Variants in SMC3 observed in about 807,000 individuals in gnomAD.
SMC3 encodes the protein structural maintenance of chromosomes 3.
In SMC3, 20 loss-of-function variants were observed where a neutral mutation model predicts 171.8. The observed-to-expected ratio is 0.12, with a 90% confidence interval of 0.08 to 0.17. The LOEUF is 0.17. SMC3 is among the 10% of genes least tolerant of loss of function. The probability of loss-of-function intolerance (pLI) is 1.00; values close to 1 mark genes in which losing one functional copy is unlikely to be tolerated. For missense variants in SMC3, 543 were observed against 1,420.4 expected, an observed-to-expected ratio of 0.38 and a Z score of 9.93; for synonymous variants, 464 against 451.1, an observed-to-expected ratio of 1.03 and a Z score of -0.36.
At chr10:110,586,293 C>T (rs765726214) in intron 13 of SMC3, among the ~76,000 whole-genome samples, 4 of 152,186 alleles carry the variant, frequency 2.6e-5, no homozygotes, top group South Asian at 2.1e-4. Context: ...GGTAAAATTG[C>T]GAGGAGTGTA....
intron 2 of SMC3, among the ~76,000 whole-genome samples, chr10:110,573,335 G>A (rs1184452869): frequency 3.9e-5 from 6 of 152,004 alleles, no homozygotes; most frequent in Non-Finnish European, 5.9e-5. Context: ...ATTTTAGAAC[G>A]TTAGCAATAT....
At chr10:110,568,855 A>G in intron 1 of SMC3, 83 bp from the exon 2 acceptor site, 2 of 838,332 alleles carry the variant, frequency 2.4e-6, no homozygotes, top group East Asian at 4.9e-5. Context: ...ATTGCATTAA[A>G]TGAAAAACAA....
intron 18 of SMC3, 71 bp from the exon 19 acceptor site, chr10:110,596,324 GTTT>G (rs1034961755): frequency 7.1e-7 from 1 of 1,403,852 alleles, no homozygotes; most frequent in African/African-American, 1.5e-5. Context: ...CTGTAGGTTA[GTTT>G]TTTTGTTATA....
At chr10:110,571,840 A>G (rs1860878061) in intron 2 of SMC3, among the ~76,000 whole-genome samples, 1 of 151,652 alleles carries the variant, frequency 6.6e-6, no homozygotes, top group Admixed American at 6.6e-5. Context: ...GGTTCATCAT[A>G]TAACTTACTG....
chr10:110,586,952 C>T (rs766674706), intron 13 of SMC3, among the ~76,000 whole-genome samples: 7 of 152,098 alleles, frequency 4.6e-5, no homozygotes, highest in East Asian at 1.9e-4. Flanking sequence ...CCACCGCGCC[C>T]GGTGTAAATA....
In SMC3 at chr10:110,599,832, G is replaced by GA; in HGVS notation, c.2427+25dup. The GA allele has an allele frequency of 6.2e-7, 1 of 1,612,656 alleles. No individual in the cohort carries two copies. The highest frequency in any genetic ancestry group is 1.1e-5 in the South Asian group (1 of 91,044). ...CAGCAGGTAAGTAGACAGCTGACTG[G>GA]AAAAAGAATTCGTTAGTAATTGGCT... is the stretch of plus-strand genomic sequence containing the variant. On this transcript the variant is annotated intron_variant, in intron 21 of 28. Transcript: ENST00000361804.
intron 13 of SMC3, among the ~76,000 whole-genome samples, chr10:110,587,746 G>A (rs1238770998): frequency 1.3e-5 from 2 of 151,536 alleles, no homozygotes; most frequent in Admixed American, 6.6e-5. Flanking sequence ...TAACACAACA[G>A]TCTGAATTGT....
rs145972259 is a variant in SMC3 at position 110,585,728 on chromosome 10, T to G, written c.1305+1332T>G. Among the ~76,000 whole-genome samples, 1,301 of 151,846 alleles carry G rather than the reference T, an allele frequency of 8.6e-3. 16 individuals carry two copies. Among genetic ancestry groups the G allele is most frequent in the African/African-American group, 0.029 (1,189 of 41,484 alleles). On this transcript the variant is annotated intron_variant, in intron 13 of 28. Coordinates refer to ENST00000361804, the MANE Select transcript of SMC3 (RefSeq NM_005445.4). Reference sequence around the variant, plus strand: ...ACTTTTGGGACTTGACATTTTAAATTATTTGTTATAAAGTACATATATTAA... The same window carrying G: ...ACTTTTGGGACTTGACATTTTAAATGATTTGTTATAAAGTACATATATTAA...
At chr10:110,575,133 C>T (rs1341007532) in intron 3 of SMC3, among the ~76,000 whole-genome samples, 1 of 152,076 alleles carries the variant, frequency 6.6e-6, no homozygotes, top group Non-Finnish European at 1.5e-5. Context: ...GAAAACTTCT[C>T]AGTATTTTTC....
intron 13 of SMC3, among the ~76,000 whole-genome samples, chr10:110,589,112 G>A (rs1046511953): frequency 3.3e-5 from 5 of 152,040 alleles, no homozygotes; most frequent in Admixed American, 3.3e-4. Context: ...AAATGGGGCC[G>A]GGCGCAGTGT....
intron 14 of SMC3, 87 bp from the exon 15 acceptor site, chr10:110,589,805 T>G (rs1861179347): frequency 1.3e-6 from 2 of 1,483,222 alleles, no homozygotes; most frequent in Non-Finnish European, 1.9e-6. Flanking sequence ...TCAGGCTTGT[T>G]TTCTGTATTT....
At chr10:110,580,445 T>C (rs1861014643) in intron 7 of SMC3, among the ~76,000 whole-genome samples, 1 of 152,228 alleles carries the variant, frequency 6.6e-6, no homozygotes, top group Non-Finnish European at 1.5e-5. Context: ...TTAGCCCTAT[T>C]CATAAAGGAG....
intron 28 of SMC3, 40 bp downstream of exon 28, chr10:110,603,330 C>A (rs376152187): frequency 3.2e-6 from 4 of 1,236,742 alleles, no homozygotes; most frequent in Non-Finnish European, 2.4e-6. Context: ...TGTATTTATT[C>A]AATTATATTT....
intron 7 of SMC3, among the ~76,000 whole-genome samples, chr10:110,579,601 G>A (rs1382874266): frequency 1.3e-5 from 2 of 152,094 alleles, no homozygotes; most frequent in Non-Finnish European, 2.9e-5. Context: ...TACACTGTTA[G>A]GATAGTACTT....
chr10:110,592,967 A>C (rs190479170), intron 17 of SMC3, 106 bp from the exon 18 acceptor site: 1 of 948,026 alleles, frequency 1.1e-6, no homozygotes, highest in African/African-American at 1.6e-5. Flanking sequence ...TTTGAAATAT[A>C]ATGGTGTTTA....
intron 18 of SMC3, 48 bp from the exon 19 acceptor site, chr10:110,596,350 A>G: frequency 6.6e-7 from 1 of 1,525,532 alleles, no homozygotes; most frequent in South Asian, 1.2e-5. Context: ...TCAATTTATC[A>G]TTGAATAAAA....
chr10:110,576,274 G>A (rs984987758), intron 4 of SMC3, among the ~76,000 whole-genome samples: 2 of 152,162 alleles, frequency 1.3e-5, no homozygotes, highest in Non-Finnish European at 2.9e-5. Flanking sequence ...CTATCACGTT[G>A]TCATTCAGCC....
chr10:110,600,362 A>G (rs1429110319), intron 21 of SMC3, 77 bp from the exon 22 acceptor site: 5 of 790,150 alleles, frequency 6.3e-6, no homozygotes, highest in Admixed American at 1.7e-5. Context: ...CACAAGTACT[A>G]GAGAGGACAG....
At chr10:110,602,260 TG>T in intron 25 of SMC3, 82 bp downstream of exon 25, 2 of 1,338,512 alleles carry the variant, frequency 1.5e-6, no homozygotes, top group Non-Finnish European at 2.1e-6. Flanking sequence ...ATTTTAAAGC[TG>T]TTTTCCTCAT....
Sources: gnomAD v4.1 joint callset for allele counts (sites outside exome capture counted in the v4.1 genomes callset) on GRCh38, gnomAD v4.1.1 for gene constraint, MANE v1.5 for transcripts, NCBI Gene and HGNC (gene_info 2026-07-23, HGNC 2026-07-21) for gene names.